The following NELL1 variants were observed in gnomAD, a reference collection of about 807,000 sequenced individuals.
The protein encoded by NELL1 is protein kinase C-binding protein NELL1.
In NELL1, 76 loss-of-function variants were observed where a neutral mutation model predicts 107.4. That is an observed-to-expected ratio of 0.71 (90% CI 0.59 to 0.86). The LOEUF (loss-of-function observed/expected upper bound fraction) is 0.86, where lower values mean the gene tolerates loss of function less well. Among genes scored for constraint, NELL1 ranks in the 40% least tolerant of loss-of-function variants. The pLI is 0.00. For synonymous variants in NELL1, 353 were observed against 341.2 expected, an observed-to-expected ratio of 1.03 and a Z score of -0.38; for missense variants, 1,024 against 1,005.5, an observed-to-expected ratio of 1.02 and a Z score of -0.25.
chr11:20,955,871 T>A (rs1474493803), intron 11 of NELL1, among the ~76,000 whole-genome samples: 1 of 152,214 alleles, frequency 6.6e-6, no homozygotes, highest in Non-Finnish European at 1.5e-5. Context: ...AGGAATTAAC[T>A]TGACTTTATC....
chr11:20,759,305 G>A (rs576325365), intron 2 of NELL1, among the ~76,000 whole-genome samples: 57 of 152,190 alleles, frequency 3.7e-4, no homozygotes, highest in African/African-American at 1.3e-3. Context: ...CTCTCCTATA[G>A]GGCTGACCTG....
intron 1 of NELL1, chr11:20,670,326 C>A (rs1169349883): frequency 6.5e-6 from 1 of 153,976 alleles, no homozygotes; most frequent in African/African-American, 2.4e-5. Flanking sequence ...TCCTGACTAC[C>A]CAGGAGAACT....
intron 4 of NELL1, among the ~76,000 whole-genome samples, chr11:20,856,140 C>T (rs1488724834): frequency 6.6e-6 from 1 of 152,198 alleles, no homozygotes. Context: ...GATGAAGAGG[C>T]TTGCACGGAA....
Position 21,440,584 on chromosome 11 carries a change from C to A in NELL1, c.1645+69636C>A, listed in dbSNP as rs551122792. Reference sequence around the variant, plus strand: ...GGCTTATCAATCAGTTTAGCCAAGGCATTAATATAACATCATAGTGAAGAT... The same window carrying A: ...GGCTTATCAATCAGTTTAGCCAAGGAATTAATATAACATCATAGTGAAGAT... On this transcript the variant is annotated intron_variant, in intron 15 of 19. Transcript: ENST00000357134. 2.0e-5 allele frequency among the ~76,000 whole-genome samples: 3 copies of A among 152,192 alleles called. No homozygotes were observed. In the South Asian group the frequency reaches 6.2e-4, roughly 32 times the overall value.
At chr11:21,216,395 G>T (rs910761295) in intron 13 of NELL1, among the ~76,000 whole-genome samples, 8 of 152,154 alleles carry the variant, frequency 5.3e-5, no homozygotes, top group African/African-American at 1.9e-4. Context: ...ATGAGAAGTG[G>T]GCCACCATCC....
chr11:21,552,423 T>C (rs1856614369), intron 16 of NELL1, among the ~76,000 whole-genome samples: 1 of 151,754 alleles, frequency 6.6e-6, no homozygotes, highest in Non-Finnish European at 1.5e-5. Flanking sequence ...TCTTTGTTAG[T>C]GACCTACTTT....
intron 9 of NELL1, among the ~76,000 whole-genome samples, chr11:20,932,027 G>A (rs555457420): frequency 6.6e-6 from 1 of 152,260 alleles, no homozygotes; most frequent in Non-Finnish European, 1.5e-5. Flanking sequence ...ACAGATGAGG[G>A]CGTCTGTTTG....
chr11:21,074,072 G>A (rs1239905166), intron 12 of NELL1, among the ~76,000 whole-genome samples: 1 of 152,144 alleles, frequency 6.6e-6, no homozygotes, highest in African/African-American at 2.4e-5. Context: ...GAGTCTTTAA[G>A]CCTTATTGGT....
intron 5 of NELL1, among the ~76,000 whole-genome samples, chr11:20,903,964 G>C (rs1849935544): frequency 6.6e-6 from 1 of 152,136 alleles, no homozygotes; most frequent in Non-Finnish European, 1.5e-5. Context: ...TGGCAGTCCT[G>C]AAAGATTTCA....
chr11:21,336,507 C>T (rs1206892939), intron 14 of NELL1, among the ~76,000 whole-genome samples: 4 of 151,618 alleles, frequency 2.6e-5, no homozygotes, highest in African/African-American at 7.3e-5. Context: ...AAATTATCTG[C>T]CCCCACAAAA....
chr11:21,082,041 A>G (rs540550343), intron 12 of NELL1, among the ~76,000 whole-genome samples: 1 of 152,216 alleles, frequency 6.6e-6, no homozygotes, highest in African/African-American at 2.4e-5. Context: ...TCCTAACAGC[A>G]ACTTGAACTA....
rs184820276 is a variant in NELL1, at chr11:20,917,422, G to C, written c.604-760G>C. On this transcript the variant is annotated intron_variant, in intron 5 of 19. Transcript: ENST00000357134. Reference sequence around the variant, plus strand: ...AAATGTTACTCCCTCTGAAAGACTTGCAGCACTCTCTTAAGTCTATATTTT... The same window carrying C: ...AAATGTTACTCCCTCTGAAAGACTTCCAGCACTCTCTTAAGTCTATATTTT... 1.2e-3 allele frequency among the ~76,000 whole-genome samples: 182 copies of C among 151,980 alleles called. 1 individual carries two copies. Among genetic ancestry groups the C allele is most frequent in the Middle Eastern group, 6.8e-3 (2 of 294 alleles).
At chr11:21,238,169 A>C (rs1019588301) in intron 14 of NELL1, among the ~76,000 whole-genome samples, 5 of 152,050 alleles carry the variant, frequency 3.3e-5, no homozygotes, top group African/African-American at 7.2e-5. Flanking sequence ...CAGATAAAAC[A>C]ATCTTAAGTA....
At chr11:20,734,313 T>C (rs2133925817) in intron 2 of NELL1, among the ~76,000 whole-genome samples, 1 of 152,152 alleles carries the variant, frequency 6.6e-6, no homozygotes, top group East Asian at 1.9e-4. Flanking sequence ...TGGGAAGCAG[T>C]TGGAGGATTT....
intron 14 of NELL1, among the ~76,000 whole-genome samples, chr11:21,317,546 T>C (rs1239142433): frequency 7.0e-6 from 1 of 143,670 alleles, no homozygotes; most frequent in Non-Finnish European, 1.5e-5. Context: ...GAAGGCACTC[T>C]TCTGGCTGCC....
intron 15 of NELL1, among the ~76,000 whole-genome samples, chr11:21,404,736 C>A (rs1027493355): frequency 2.0e-5 from 3 of 151,908 alleles, no homozygotes; most frequent in African/African-American, 4.8e-5. Context: ...TGGTCCAGAA[C>A]TGGGATTAAA....
chr11:21,019,252 G>C (rs1199658658), intron 12 of NELL1, among the ~76,000 whole-genome samples: 1 of 152,066 alleles, frequency 6.6e-6, no homozygotes, highest in Non-Finnish European at 1.5e-5. Flanking sequence ...CAAACCTAGA[G>C]GTAGTATTTC....
intron 13 of NELL1, among the ~76,000 whole-genome samples, chr11:21,223,171 C>A (rs376919868): frequency 2.7e-5 from 4 of 150,308 alleles, no homozygotes; most frequent in African/African-American, 7.3e-5. Context: ...ATTGGAATCT[C>A]TTCTCTCTCT....
chr11:21,100,795 G>C lies in NELL1; in HGVS notation c.1301-12794G>C, dbSNP rs574361284. On this transcript the variant is annotated intron_variant, in intron 12 of 19. Coordinates refer to ENST00000357134, the MANE Select transcript of NELL1 (RefSeq NM_006157.5). The stretch of plus-strand genomic sequence containing the variant: ...TTCTTCCAAGTTAGGTATTATTCCA[G>C]ATAGAGACAGTATAGCAAAGTACAA... Among the ~76,000 whole-genome samples the C allele has an allele frequency of 9.9e-5, 15 of 152,200 alleles. 1 individual carries two copies. The South Asian group carries it at 3.1e-3, about 32-fold the overall frequency.
Sources: allele counts gnomAD v4.1 joint callset (sites outside exome capture counted in the v4.1 genomes callset), GRCh38; gene constraint gnomAD v4.1.1; transcripts MANE v1.5; gene names NCBI Gene and HGNC (gene_info 2026-07-23, HGNC 2026-07-21).